PCDH7: variants seen among roughly 807,000 people sequenced by gnomAD.
The protein encoded by PCDH7 is protocadherin-7.
Under a neutral mutation model 58.9 loss-of-function variants are expected in PCDH7, and 17 were observed. That is an observed-to-expected ratio of 0.29 (90% CI 0.20 to 0.43). The LOEUF (loss-of-function observed/expected upper bound fraction) is 0.43. Among genes scored for constraint, PCDH7 ranks in the 20% least tolerant of loss-of-function variants. PCDH7 has a pLI of 1.00. For synonymous variants in PCDH7, 664 were observed against 616.4 expected, an observed-to-expected ratio of 1.08 and a Z score of -1.14; for missense variants, 1,274 against 1,441.0, an observed-to-expected ratio of 0.88 and a Z score of 1.88.
In PCDH7 at chr4:30,967,925, G is replaced by A. The variant is rs186776948; in HGVS notation, c.*7+17710G>A. Among the ~76,000 whole-genome samples, 812 of 152,160 alleles carry A rather than the reference G, an allele frequency of 5.3e-3. 10 individuals are homozygous for A. Among genetic ancestry groups the A allele is most frequent in the African/African-American group, 0.014 (593 of 41,542 alleles). ...CTAGCAGAGCTGATATCATAACTCAGACAAAAATTGATTTGTGTGCCTCAC... is the reference window on the plus strand; with the variant it reads ...CTAGCAGAGCTGATATCATAACTCAAACAAAAATTGATTTGTGTGCCTCAC... On this transcript the variant is annotated intron_variant, in intron 3 of 3. Transcript: ENST00000509759.
chr4:30,839,092 T>C (rs1181154182), intron 1 of PCDH7, among the ~76,000 whole-genome samples: 1 of 151,764 alleles, frequency 6.6e-6, no homozygotes, highest in Non-Finnish European at 1.5e-5. Flanking sequence ...TTATTAAATA[T>C]ACAGTATATA....
intron 1 of PCDH7, among the ~76,000 whole-genome samples, chr4:30,794,170 C>T (rs1182277735): frequency 2.6e-5 from 4 of 152,112 alleles, no homozygotes; most frequent in Non-Finnish European, 4.4e-5. Flanking sequence ...CATTTTGCAA[C>T]AGCATAAAAA....
intron 1 of PCDH7, among the ~76,000 whole-genome samples, chr4:30,790,781 G>A (rs190690417): frequency 5.9e-5 from 9 of 152,038 alleles, no homozygotes; most frequent in Admixed American, 1.3e-4. Flanking sequence ...AAAATTAGCC[G>A]GGTGTGGTGG....
chr4:31,141,697 C>CA (rs1456583168), intron 3 of PCDH7, among the ~76,000 whole-genome samples: 2 of 152,128 alleles, frequency 1.3e-5, no homozygotes, highest in African/African-American at 4.8e-5. Flanking sequence ...AGAGTACAGG[C>CA]TAGTTCATCC....
chr4:31,054,630 T>A (rs1757006321), intron 3 of PCDH7, among the ~76,000 whole-genome samples: 1 of 152,162 alleles, frequency 6.6e-6, no homozygotes, highest in South Asian at 2.1e-4. Flanking sequence ...AGAAAGTAAC[T>A]GAAACATTTA....
At chr4:30,746,524 T>A (rs1484255941) in intron 1 of PCDH7, among the ~76,000 whole-genome samples, 1 of 152,180 alleles carries the variant, frequency 6.6e-6, no homozygotes, top group Non-Finnish European at 1.5e-5. Flanking sequence ...TGCTGCCAAC[T>A]TTTCCATTTT....
intron 1 of PCDH7, among the ~76,000 whole-genome samples, chr4:30,852,829 G>GAAAAAAA (rs58210433): frequency 8.0e-5 from 6 of 74,604 alleles, no homozygotes; most frequent in African/African-American, 1.9e-4. Context: ...TCAAGCACAG[G>GAAAAAAA]AAAAAAAAAA....
chr4:30,833,827 A>C (rs1201828869), intron 1 of PCDH7, among the ~76,000 whole-genome samples: 1 of 152,220 alleles, frequency 6.6e-6, no homozygotes, highest in Admixed American at 6.5e-5. Flanking sequence ...CAGATAATCA[A>C]ATGGAAAATG....
chr4:30,929,182 A>G (rs1001786256), intron 2 of PCDH7, among the ~76,000 whole-genome samples: 6 of 152,188 alleles, frequency 3.9e-5, no homozygotes, highest in African/African-American at 1.4e-4. Flanking sequence ...ATAGATGATT[A>G]AATTACATTA....
chr4:30,909,797 A>G (rs1442363624), intron 1 of PCDH7, among the ~76,000 whole-genome samples: 1 of 152,154 alleles, frequency 6.6e-6, no homozygotes, highest in Non-Finnish European at 1.5e-5. Flanking sequence ...GCTACCATTG[A>G]CTTTCTTCAC....
intron 3 of PCDH7, among the ~76,000 whole-genome samples, chr4:30,958,506 T>A (rs1193605933): frequency 6.6e-6 from 1 of 151,896 alleles, no homozygotes; most frequent in Non-Finnish European, 1.5e-5. Flanking sequence ...CATTAGAAAA[T>A]AAAATATATT....
intron 1 of PCDH7, among the ~76,000 whole-genome samples, chr4:30,826,682 C>T (rs749044773): frequency 8.6e-5 from 13 of 151,962 alleles, no homozygotes; most frequent in Non-Finnish European, 1.9e-4. Context: ...CTGAGGAGTC[C>T]TAGGGGTCCT....
chr4:30,865,051 G>C (rs1484681959), intron 1 of PCDH7, among the ~76,000 whole-genome samples: 1 of 151,862 alleles, frequency 6.6e-6, no homozygotes, highest in Admixed American at 6.6e-5. Flanking sequence ...GCTGATAAAC[G>C]GTCTAACACT....
intron 3 of PCDH7, among the ~76,000 whole-genome samples, chr4:31,085,979 C>T (rs1482268684): frequency 6.6e-6 from 1 of 151,896 alleles, no homozygotes; most frequent in Non-Finnish European, 1.5e-5. Context: ...TAAAGAATGC[C>T]AGGAAGTAAC....
intron 1 of PCDH7, among the ~76,000 whole-genome samples, chr4:30,852,228 A>G (rs1414014602): frequency 6.6e-6 from 1 of 152,116 alleles, no homozygotes; most frequent in Non-Finnish European, 1.5e-5. Flanking sequence ...ATGCTGAAGC[A>G]CTAGTTACCA....
chr4:30,765,626 T>G (rs1223907414), intron 1 of PCDH7, among the ~76,000 whole-genome samples: 3 of 152,186 alleles, frequency 2.0e-5, no homozygotes, highest in Admixed American at 2.0e-4. Flanking sequence ...CAAAATGGTA[T>G]TTTCTAGGCT....
chr4:31,105,616 G>A (rs142686224), intron 3 of PCDH7, among the ~76,000 whole-genome samples: 1 of 152,266 alleles, frequency 6.6e-6, no homozygotes, highest in Non-Finnish European at 1.5e-5. Flanking sequence ...TGACACTAGT[G>A]TAGGTGTGTG....
chr4:30,729,138 C>T (rs933895626), intron 1 of PCDH7, among the ~76,000 whole-genome samples: 1 of 151,634 alleles, frequency 6.6e-6, no homozygotes, highest in East Asian at 1.9e-4. Context: ...ATTGGGATTA[C>T]AAAATTGTCA....
chr4:31,066,576 C>T (rs1758114135), intron 3 of PCDH7, among the ~76,000 whole-genome samples: 1 of 151,860 alleles, frequency 6.6e-6, no homozygotes, highest in South Asian at 2.1e-4. Context: ...TCTCAGATGC[C>T]TTCTAATGAG....
Sources: gnomAD v4.1 joint callset for allele counts (sites outside exome capture counted in the v4.1 genomes callset) on GRCh38, gnomAD v4.1.1 for gene constraint, MANE v1.5 for transcripts, NCBI Gene and HGNC (gene_info 2026-07-23, HGNC 2026-07-21) for gene names.